WWOX: variants seen among roughly 807,000 people sequenced by gnomAD.
WWOX encodes the protein WW domain containing oxidoreductase.
WWOX carries 69 observed loss-of-function variants against 46.2 expected under a neutral mutation model. That is an observed-to-expected ratio of 1.49 (90% CI 1.23 to 1.82). The LOEUF is 1.82. Ranked by LOEUF, WWOX falls within the 40% of genes most tolerant of loss-of-function variation. The probability of loss-of-function intolerance (pLI) is 0.00; values close to 1 mark genes in which losing one functional copy is unlikely to be tolerated. For missense variants in WWOX, 919 were observed against 542.6 expected, an observed-to-expected ratio of 1.69 and a Z score of -6.89; for synonymous variants, 359 against 202.6, an observed-to-expected ratio of 1.77 and a Z score of -6.56.
At chr16:78,101,767 T>C (rs2031808688) in intron 1 of WWOX, among the ~76,000 whole-genome samples, 2 of 152,172 alleles carry the variant, frequency 1.3e-5, no homozygotes, top group Non-Finnish European at 2.9e-5. Flanking sequence ...CAAGTTCTGA[T>C]GAGTTCATTC....
At chr16:79,211,456 G>A in intron 8 of WWOX, 152 bp from the exon 9 acceptor site, 1 of 932,672 alleles carries the variant, frequency 1.1e-6, no homozygotes, top group Admixed American at 2.1e-5. Context: ...TTACAGTCAT[G>A]TGCTTTCAGC....
At chr16:78,415,136 C>G (rs2082769202) in intron 6 of WWOX, among the ~76,000 whole-genome samples, 1 of 149,716 alleles carries the variant, frequency 6.7e-6, no homozygotes, top group Non-Finnish European at 1.5e-5. Context: ...TAACTATAAA[C>G]AAGGGGTAGA....
At chr16:78,649,204 C>G (rs2046910801) in intron 8 of WWOX, among the ~76,000 whole-genome samples, 1 of 152,096 alleles carries the variant, frequency 6.6e-6, no homozygotes, top group Non-Finnish European at 1.5e-5. Context: ...AGGCTGGTCT[C>G]AAACTCTGGA....
At chr16:78,827,688 A>T (rs1184102708) in intron 8 of WWOX, among the ~76,000 whole-genome samples, 1 of 151,864 alleles carries the variant, frequency 6.6e-6, no homozygotes, top group Non-Finnish European at 1.5e-5. Context: ...AAAAAAAAAA[A>T]AAATTAGCCA....
intron 8 of WWOX, among the ~76,000 whole-genome samples, chr16:78,995,104 A>G (rs1052726128): frequency 6.6e-6 from 1 of 151,692 alleles, no homozygotes; most frequent in South Asian, 2.1e-4. Context: ...GCCCTTAGAT[A>G]ATAACAGTTT....
At chr16:78,379,118 T>C (rs1597130861) in intron 5 of WWOX, among the ~76,000 whole-genome samples, 1 of 152,216 alleles carries the variant, frequency 6.6e-6, no homozygotes, top group Admixed American at 6.5e-5. Context: ...TCAGAAGATA[T>C]TTGCTATCAC....
At chr16:78,507,913 T>C (rs62036419) in intron 8 of WWOX, among the ~76,000 whole-genome samples, 21,601 of 152,024 alleles carry the variant, frequency 0.14, 1,658 homozygotes, top group Non-Finnish European at 0.17. Flanking sequence ...CATACGTATT[T>C]GTAAACTTTC....
chr16:78,811,895 A>G (rs376435748), intron 8 of WWOX, among the ~76,000 whole-genome samples: 1 of 152,230 alleles, frequency 6.6e-6, no homozygotes, highest in East Asian at 1.9e-4. Flanking sequence ...TTACTGAGTC[A>G]TGAGCATAAT....
chr16:78,245,997 A>T lies in WWOX; in HGVS notation c.516+81708A>T, dbSNP rs529934529. 9.6e-4 allele frequency among the ~76,000 whole-genome samples: 146 copies of T among 152,314 alleles called. No homozygotes were observed. In the South Asian group the frequency reaches 0.029, roughly 31 times the overall value. Reference sequence around the variant, plus strand: ...TTCAAAGACTAGGATGCCATTTTGCAAACGTCTCATTCTCCCTGAATGGTA... The same window carrying T: ...TTCAAAGACTAGGATGCCATTTTGCTAACGTCTCATTCTCCCTGAATGGTA... On this transcript the variant is annotated intron_variant, in intron 5 of 8. Transcript: ENST00000566780.
At chr16:79,197,820 T>G (rs1368791643) in intron 8 of WWOX, among the ~76,000 whole-genome samples, 1 of 152,134 alleles carries the variant, frequency 6.6e-6, no homozygotes, top group African/African-American at 2.4e-5. Context: ...CCCACCATGA[T>G]GATGGGAAGT....
intron 7 of WWOX, among the ~76,000 whole-genome samples, chr16:78,431,086 T>A (rs1416709168): frequency 6.6e-6 from 1 of 152,234 alleles, no homozygotes; most frequent in Non-Finnish European, 1.5e-5. Context: ...AAAATTCCTT[T>A]TGTTTGCTGT....
At chr16:78,681,420 G>C (rs916876564) in intron 8 of WWOX, among the ~76,000 whole-genome samples, 1 of 151,778 alleles carries the variant, frequency 6.6e-6, no homozygotes, top group African/African-American at 2.4e-5. Context: ...CCAAAACAAA[G>C]GTCAATTTTT....
chr16:79,099,678 T>C (rs565953815), intron 8 of WWOX, among the ~76,000 whole-genome samples: 4 of 152,262 alleles, frequency 2.6e-5, no homozygotes, highest in African/African-American at 7.2e-5. Context: ...TTTTAACATA[T>C]TGCACCAAAT....
Position 78,506,979 on chromosome 16 carries a change from G to T in WWOX, c.1056+74227G>T, listed in dbSNP as rs555417360. Among the ~76,000 whole-genome samples the T allele has an allele frequency of 3.3e-5, 5 of 152,258 alleles. No homozygotes were observed. In the South Asian group the frequency reaches 8.3e-4, roughly 25 times the overall value. On this transcript the variant is annotated intron_variant, in intron 8 of 8. Coordinates refer to ENST00000566780, the MANE Select transcript of WWOX (RefSeq NM_016373.4). ...TCCTCCCACCTCAGCTGCCCAGGGTGCTGGGATCACAGGCGTGAGCCACCG... is the reference window on the plus strand; with the variant it reads ...TCCTCCCACCTCAGCTGCCCAGGGTTCTGGGATCACAGGCGTGAGCCACCG...
At chr16:78,484,258 T>C (rs1203365724) in intron 8 of WWOX, among the ~76,000 whole-genome samples, 1 of 152,218 alleles carries the variant, frequency 6.6e-6, no homozygotes, top group Admixed American at 6.5e-5. Context: ...CCTTGGCATA[T>C]ATTAAAGTAC....
intron 8 of WWOX, among the ~76,000 whole-genome samples, chr16:78,984,968 C>G (rs191482523): frequency 2.0e-5 from 3 of 152,120 alleles, no homozygotes; most frequent in East Asian, 3.9e-4. Context: ...AGGATATGGA[C>G]AGATACTGGG....
chr16:78,972,219 T>C (rs1289940179), intron 8 of WWOX, among the ~76,000 whole-genome samples: 1 of 152,112 alleles, frequency 6.6e-6, no homozygotes, highest in Admixed American at 6.6e-5. Flanking sequence ...GGAGGGGCGT[T>C]CAGACAAAGA....
chr16:78,408,048 G>C (rs1035794517), intron 6 of WWOX, among the ~76,000 whole-genome samples: 4 of 152,168 alleles, frequency 2.6e-5, no homozygotes, highest in Non-Finnish European at 2.9e-5. Context: ...GTCCAGGTGA[G>C]AGTGGCAGGA....
intron 8 of WWOX, among the ~76,000 whole-genome samples, chr16:78,543,047 A>G (rs1322432516): frequency 6.6e-6 from 1 of 152,236 alleles, no homozygotes; most frequent in African/African-American, 2.4e-5. Context: ...GGAAGGGCAT[A>G]GTACACATAT....
Sources: gnomAD v4.1 joint callset for allele counts (sites outside exome capture counted in the v4.1 genomes callset) on GRCh38, gnomAD v4.1.1 for gene constraint, MANE v1.5 for transcripts, NCBI Gene and HGNC (gene_info 2026-07-23, HGNC 2026-07-21) for gene names.